Variants in EXOC6 observed in about 807,000 individuals in gnomAD.
EXOC6 encodes SEC15-like 1.
In EXOC6, 60 loss-of-function variants were observed where a neutral mutation model predicts 112.5. The ratio of observed to expected loss-of-function variants is 0.53; its 90% CI spans 0.43 to 0.66. The LOEUF is 0.66. Ranked by LOEUF, EXOC6 falls within the 30% of genes least tolerant of loss-of-function variation. The pLI, the probability that EXOC6 is intolerant of heterozygous loss-of-function variation, is 0.00. For synonymous variants in EXOC6, 295 were observed against 308.0 expected, an observed-to-expected ratio of 0.96 and a Z score of 0.44; for missense variants, 855 against 957.1, an observed-to-expected ratio of 0.89 and a Z score of 1.41.
chr10:92,866,658 T>C (rs183633861), intron 1 of EXOC6, among the ~76,000 whole-genome samples: 1 of 152,274 alleles, frequency 6.6e-6, no homozygotes, highest in East Asian at 1.9e-4. Flanking sequence ...AGGGTAATGT[T>C]AGCTTATGTG....
upstream of EXOC6, among the ~76,000 whole-genome samples, chr10:92,845,926 G>A (rs571985309): frequency 7.7e-4 from 117 of 152,304 alleles, 4 homozygotes; most frequent in South Asian, 0.024. Flanking sequence ...TAACAAAAGC[G>A]AAACTCTGTC....
intron 1 of EXOC6, among the ~76,000 whole-genome samples, chr10:92,885,795 C>G (rs142549861): frequency 6.6e-6 from 1 of 152,152 alleles, no homozygotes; most frequent in East Asian, 1.9e-4. Flanking sequence ...GCTAACCCCC[C>G]CCTCTTTTTT....
At chr10:93,023,832 A>T (rs988626609) in intron 20 of EXOC6, among the ~76,000 whole-genome samples, 1 of 152,128 alleles carries the variant, frequency 6.6e-6, no homozygotes, top group Non-Finnish European at 1.5e-5. Flanking sequence ...GTATTCAGTG[A>T]TAATTTTTTA....
At position 93,039,564 on chromosome 10, in the gene EXOC6, G is replaced by T. The variant is rs536226896; in HGVS notation, c.2170-17360G>T. 3.2e-4 allele frequency among the ~76,000 whole-genome samples: 49 copies of T among 152,240 alleles called. 1 individual carries two copies. Among genetic ancestry groups the T allele is most frequent in the Middle Eastern group, 6.8e-3 (2 of 294 alleles). On this transcript the variant is annotated intron_variant, in intron 20 of 21. Coordinates refer to ENST00000260762, the MANE Select transcript of EXOC6 (RefSeq NM_019053.6). ...TCTCTTCCCTTTTGAAAATCTCAGG[G>T]CAGCCTCCACCATTTCTCTCTGAGA...
chr10:92,974,756 C>T (rs1253018626), intron 18 of EXOC6, among the ~76,000 whole-genome samples: 1 of 152,092 alleles, frequency 6.6e-6, no homozygotes, highest in African/African-American at 2.4e-5. Flanking sequence ...TTGGTGGAGA[C>T]GGGGTTTCGC....
intron 1 of EXOC6, chr10:92,834,839 C>T: frequency 6.6e-7 from 1 of 1,507,816 alleles, no homozygotes; most frequent in Non-Finnish European, 9.2e-7. Context: ...GGCACCGTTG[C>T]ATTTTATTGT....
At chr10:93,001,950 G>A (rs835246) in intron 19 of EXOC6, among the ~76,000 whole-genome samples, 1,582 of 152,210 alleles carry the variant, frequency 0.01, 28 homozygotes, top group African/African-American at 0.036. Flanking sequence ...CATATCTGAT[G>A]CCCCAGATTA....
intron 20 of EXOC6, among the ~76,000 whole-genome samples, chr10:93,042,948 TA>T (rs1564933904): frequency 1.7e-4 from 26 of 150,276 alleles, no homozygotes; most frequent in Admixed American, 5.3e-4. Context: ...TTATTATTAT[TA>T]TTATTATTAT....
At chr10:93,001,549 T>G (rs184253625) in intron 19 of EXOC6, among the ~76,000 whole-genome samples, 1 of 152,258 alleles carries the variant, frequency 6.6e-6, no homozygotes, top group Admixed American at 6.5e-5. Flanking sequence ...GTGTTCTCAG[T>G]AAAAGGAAAA....
At chr10:92,883,547 C>T (rs1007270539) in intron 1 of EXOC6, among the ~76,000 whole-genome samples, 6 of 151,982 alleles carry the variant, frequency 3.9e-5, no homozygotes, top group Admixed American at 2.0e-4. Flanking sequence ...CATATGTACT[C>T]TTACTAATAT....
chr10:92,957,469 T>C (rs1355157718), intron 17 of EXOC6, among the ~76,000 whole-genome samples: 1 of 152,198 alleles, frequency 6.6e-6, no homozygotes, highest in African/African-American at 2.4e-5. Context: ...AAAGAATGTT[T>C]AGAAATGTTA....
chr10:92,934,840 A>G (rs953283512), intron 11 of EXOC6, among the ~76,000 whole-genome samples: 19 of 152,108 alleles, frequency 1.2e-4, no homozygotes, highest in Non-Finnish European at 2.8e-4. Flanking sequence ...ATAATAATGA[A>G]TTTCTTTAAA....
chr10:92,848,725 G>A lies in EXOC6; in HGVS notation c.101+91G>A, dbSNP rs952025687. The A allele has an allele frequency of 1.2e-5, 13 of 1,067,886 alleles. No homozygotes were observed. The African/African-American group carries it at 1.9e-4, about 16-fold the overall frequency. 66.2% of individuals were successfully genotyped at this position (1,067,886 alleles called of 1,614,324 possible). On this transcript the variant is annotated intron_variant, in intron 1 of 21. Transcript: ENST00000260762. Reference sequence around the variant, plus strand: ...GCGGGGCGTCCGCCGCCGGCCGCGCGCGAAGCTCCCCGACAGGTGGTGCGC... The same window carrying A: ...GCGGGGCGTCCGCCGCCGGCCGCGCACGAAGCTCCCCGACAGGTGGTGCGC...
chr10:92,914,686 A>G (rs1311980669), intron 6 of EXOC6, among the ~76,000 whole-genome samples: 3 of 152,168 alleles, frequency 2.0e-5, no homozygotes, highest in African/African-American at 7.2e-5. Flanking sequence ...AAGTCTAGGT[A>G]AGAGAGGAGC....
chr10:92,862,970 C>T (rs1231282253), intron 1 of EXOC6, among the ~76,000 whole-genome samples: 1 of 152,170 alleles, frequency 6.6e-6, no homozygotes, highest in Non-Finnish European at 1.5e-5. Flanking sequence ...TTGGAGTGCA[C>T]AAGTCTCTGA....
chr10:92,974,960 G>A (rs374100756), intron 18 of EXOC6, among the ~76,000 whole-genome samples: 1 of 152,200 alleles, frequency 6.6e-6, no homozygotes, highest in Non-Finnish European at 1.5e-5. Flanking sequence ...CCAAAGTGCC[G>A]AGATTGCAGC....
chr10:92,910,271 A>G (rs1383858869), intron 6 of EXOC6, among the ~76,000 whole-genome samples: 1 of 152,238 alleles, frequency 6.6e-6, no homozygotes, highest in African/African-American at 2.4e-5. Flanking sequence ...GTATATTCAT[A>G]CAATGGAATA....
chr10:92,834,596 G>T (rs893778859), upstream of EXOC6: 1 of 603,638 alleles, frequency 1.7e-6, no homozygotes, highest in Non-Finnish European at 2.8e-6. Flanking sequence ...CAGACAGTGA[G>T]CTTGTTTTTG....
chr10:92,876,592 G>A (rs920283680), intron 1 of EXOC6, among the ~76,000 whole-genome samples: 3 of 152,082 alleles, frequency 2.0e-5, no homozygotes, highest in Admixed American at 2.0e-4. Flanking sequence ...AAAAAGAGAG[G>A]GTTTAAAGAA....
Sources: allele counts gnomAD v4.1 joint callset (sites outside exome capture counted in the v4.1 genomes callset), GRCh38; gene constraint gnomAD v4.1.1; transcripts MANE v1.5; gene names NCBI Gene and HGNC (gene_info 2026-07-23, HGNC 2026-07-21).